Variants in SLFN5 observed in about 807,000 individuals in gnomAD.
SLFN5 encodes schlafen family member 5.
SLFN5 carries 34 observed loss-of-function variants against 48.5 expected under a neutral mutation model. The ratio of observed to expected loss-of-function variants is 0.70; its 90% CI spans 0.53 to 0.93. SLFN5 has a LOEUF of 0.93. Ranked by LOEUF, SLFN5 falls within the 40% of genes least tolerant of loss-of-function variation. SLFN5 has a pLI of 0.00. For synonymous variants in SLFN5, 387 were observed against 396.2 expected (o/e 0.98, Z 0.28); for missense variants, 1,006 against 1,071.3 (o/e 0.94, Z 0.85).
chr17:35,264,055 A>G, intron 3 of SLFN5, 128 bp from the exon 4 acceptor site: 1 of 1,126,794 alleles, frequency 8.9e-7, no homozygotes, highest in South Asian at 2.0e-5. Context: ...TTATCTTTTT[A>G]TTACTAATGT....
chr17:35,264,070 C>A, intron 3 of SLFN5, 113 bp from the exon 4 acceptor site: 1 of 1,250,304 alleles, frequency 8.0e-7, no homozygotes, highest in Non-Finnish European at 1.1e-6. Context: ...TAATGTATAA[C>A]CTATTGTAGA....
rs9908736 is a variant in SLFN5 at position 35,254,532 on chromosome 17, C to G, written c.-40-4119C>G. Among the ~76,000 whole-genome samples, 1,116 of 152,322 alleles carry G rather than the reference C, an allele frequency of 7.3e-3. 16 individuals carry two copies. The highest frequency in any genetic ancestry group is 0.025 in the African/African-American group (1,047 of 41,564). ...AATCTGAAATCTCAGTTCACAGTGC[C>G]AACTCTTACGACACAGGGTTCTGTA... On this transcript the variant is annotated intron_variant, in intron 1 of 4. Transcript: ENST00000299977.
chr17:35,258,990 A>G lies in SLFN5; in HGVS notation c.300A>G (p.Lys100=). The change falls in exon 2 of 5, where the codon AAA becomes AAG. Residue 100 remains lysine (K), a synonymous_variant. Coordinates refer to ENST00000299977, the MANE Select transcript of SLFN5 (RefSeq NM_144975.4). ...AAAACCACTTTTTGATTTTTGTGAAATCATGGAACACAGAGGCTGGTGTGC... is the reference window on the plus strand; with the variant it reads ...AAAACCACTTTTTGATTTTTGTGAAGTCATGGAACACAGAGGCTGGTGTGC... The part of the protein sequence containing the change: ...QKENHFLIFV[K]SWNTEAGVPL... 1.9e-6 allele frequency: 3 copies of G among 1,614,174 alleles called. No individual in the cohort carries two copies. Among genetic ancestry groups the G allele is most frequent in the Non-Finnish European group, 2.5e-6 (3 of 1,180,028 alleles).
intron 1 of SLFN5, among the ~76,000 whole-genome samples, chr17:35,249,126 G>A (rs1338620386): frequency 6.6e-6 from 1 of 152,184 alleles, no homozygotes; most frequent in African/African-American, 2.4e-5. Context: ...GTGGTAAAAA[G>A]CAGCCCTTTC....
chr17:35,267,740 CA>C lies in SLFN5; in HGVS notation c.*1861del, dbSNP rs138000759. ...GTCTCCAAAAATTAAATAAATAAAACAAAAAAAAAGAATTTAAAAGTTTTAT... is the reference window on the plus strand; with the variant it reads ...GTCTCCAAAAATTAAATAAATAAAACAAAAAAAAGAATTTAAAAGTTTTAT... On this transcript the variant is annotated 3_prime_UTR_variant, in exon 5 of 5. Coordinates refer to ENST00000299977, the MANE Select transcript of SLFN5 (RefSeq NM_144975.4). The C allele has an allele frequency of 1.5e-3, 230 of 150,326 alleles. 8 individuals carry two copies. The East Asian group carries it at 0.04, about 26-fold the overall frequency. The allele number at this position is 150,326 out of a possible 1,614,324, so 9.3% of individuals were successfully genotyped here.
intron 1 of SLFN5, among the ~76,000 whole-genome samples, chr17:35,254,149 TTTTA>T (rs2092449568): frequency 6.6e-6 from 1 of 152,254 alleles, no homozygotes; most frequent in African/African-American, 2.4e-5. Flanking sequence ...TATGGTTATC[TTTTA>T]TTTACTATAC....
At position 35,259,063 on chromosome 17, in the gene SLFN5, A is replaced by C. The variant is rs778311308; in HGVS notation, c.373A>C (p.Thr125Pro). The C allele has an allele frequency of 1.9e-5, 30 of 1,614,086 alleles. No homozygotes were observed. In the Admixed American group the frequency reaches 5.0e-4, roughly 27 times the overall value. ...TTTGTACCACAGAGAGAGAACATCC[A>C]CCGATGTCATGGATTCTCAGGAAGC... ...SNLYHRERTS[T>P]DVMDSQEALA... is the part of the protein sequence containing the mutation. The change falls in exon 2 of 5, where the codon ACC becomes CCC. Residue 125 changes from threonine to proline, a missense_variant. Physicochemically the swap from Thr to Pro is conservative, Grantham distance 38. Transcript: ENST00000299977.
At position 35,267,895 on chromosome 17, in the gene SLFN5, G is replaced by T. The variant is rs1170879849; in HGVS notation, c.*2007G>T. On this transcript the variant is annotated 3_prime_UTR_variant, in exon 5 of 5. Coordinates refer to ENST00000299977, the MANE Select transcript of SLFN5 (RefSeq NM_144975.4). ...TGGTGGCGGAGGTATTGAGCAGGCA[G>T]CTCAGGGAAATGCCAGGGAGACCCT... The T allele has an allele frequency of 6.6e-6, 1 of 152,228 alleles. No homozygotes were observed. The highest frequency in any genetic ancestry group is 1.5e-5 in the Non-Finnish European group (1 of 68,052). 9.4% of individuals were successfully genotyped at this position (152,228 alleles called of 1,614,324 possible). A position where few individuals can be genotyped will look rare whatever the true frequency, so the allele number is the denominator to read the frequency against.
chr17:35,256,121 G>A (rs1904336243), intron 1 of SLFN5, among the ~76,000 whole-genome samples: 1 of 152,188 alleles, frequency 6.6e-6, no homozygotes, highest in Non-Finnish European at 1.5e-5. Flanking sequence ...TATATTGGGA[G>A]GCCAAGGCGG....
Position 35,265,150 on chromosome 17 carries a change from T to C in SLFN5, c.1938T>C (p.Ile646=). The C allele has an allele frequency of 6.2e-7, 1 of 1,614,184 alleles. No individual in the cohort carries two copies. Among genetic ancestry groups the C allele is most frequent in the Non-Finnish European group, 8.5e-7 (1 of 1,180,032 alleles). ...ACAACTTTGAACACATCCAGCACAT[T>C]ATCATTGATGACGCTCAGAATTTCC... ...MKNNFEHIQH[I]IIDDAQNFRT... is the part of the protein sequence containing the mutation. Residue 646 remains isoleucine, a synonymous_variant, in exon 5 of 5, where the codon ATT becomes ATC. Coordinates refer to ENST00000299977, the MANE Select transcript of SLFN5 (RefSeq NM_144975.4).
Position 35,265,270 on chromosome 17 carries a change from T to C in SLFN5, c.2058T>C (p.Phe686=), listed in dbSNP as rs773284322. The C allele has an allele frequency of 6.2e-7, 1 of 1,614,198 alleles. No homozygotes were observed. Among genetic ancestry groups the C allele is most frequent in the South Asian group, 1.1e-5 (1 of 91,074 alleles). The change falls in exon 5 of 5, where the codon TTT becomes TTC. Residue 686 remains phenylalanine (F), a synonymous_variant. Coordinates refer to ENST00000299977, the MANE Select transcript of SLFN5 (RefSeq NM_144975.4). ...PGVLWIFLDY[F]QTYHLSCSGL... is the part of the protein sequence containing the mutation. ...TTCTCTGGATCTTTCTGGACTACTT[T>C]CAGACCTATCACTTGAGTTGCAGTG...
chr17:35,259,453 A>G lies in SLFN5; in HGVS notation c.763A>G (p.Ile255Val). Residue 255 changes from isoleucine to valine, a missense_variant, in exon 2 of 5, where the codon ATT (isoleucine) becomes GTT (valine). Transcript: ENST00000299977. ...AGACCTTACGAGCTTGAGGGCTTCT[A>G]TTGATGGCTGTATTAAGAAGCTACC... ...KIDLTSLRAS[I>V]DGCIKKLPVH... The G allele has an allele frequency of 1.2e-6, 2 of 1,614,244 alleles. No individual in the cohort carries two copies. The highest frequency in any genetic ancestry group is 1.7e-6 in the Non-Finnish European group (2 of 1,180,046).
chr17:35,259,621 A>G lies in SLFN5; in HGVS notation c.931A>G (p.Ser311Gly). 2 of 1,607,298 alleles carry G rather than the reference A, an allele frequency of 1.2e-6. No individual in the cohort carries two copies. The highest frequency in any genetic ancestry group is 2.7e-5 in the African/African-American group (2 of 75,044). The stretch of plus-strand genomic sequence containing the variant: ...CTGTGCGGTGTTTGCCAAAGTGCCT[A>G]GTTCCTGGCAGGTGAAGGACAACCG... ...FCCAVFAKVP[S>G]SWQVKDNRVR... is the part of the protein sequence containing the mutation. Residue 311 changes from serine to glycine, a missense_variant, in exon 2 of 5, where the codon AGT becomes GGT. Coordinates refer to ENST00000299977, the MANE Select transcript of SLFN5 (RefSeq NM_144975.4).
chr17:35,260,644 C>T (rs543322521), intron 2 of SLFN5, among the ~76,000 whole-genome samples: 73 of 152,070 alleles, frequency 4.8e-4, no homozygotes, highest in African/African-American at 1.6e-3. Flanking sequence ...ACCTGAGAGA[C>T]GGAGGTTGCA....
chr17:35,246,864 A>G (rs1567787483), intron 1 of SLFN5, among the ~76,000 whole-genome samples: 1 of 152,032 alleles, frequency 6.6e-6, no homozygotes, highest in Non-Finnish European at 1.5e-5. Context: ...AGAAAAAAAA[A>G]AAAAAATTAT....
At chr17:35,262,356 G>A (rs1451102247) in intron 3 of SLFN5, among the ~76,000 whole-genome samples, 1 of 149,784 alleles carries the variant, frequency 6.7e-6, no homozygotes, top group Non-Finnish European at 1.5e-5. Context: ...CTCCAGCCTG[G>A]GCGACAGAGG....
chr17:35,252,700 C>A (rs2092445209), intron 1 of SLFN5, among the ~76,000 whole-genome samples: 1 of 151,778 alleles, frequency 6.6e-6, no homozygotes, highest in Non-Finnish European at 1.5e-5. Context: ...TAGTGTTCAT[C>A]AAATTTTCTT....
At chr17:35,252,086 A>G (rs1227602876) in intron 1 of SLFN5, among the ~76,000 whole-genome samples, 1 of 152,190 alleles carries the variant, frequency 6.6e-6, no homozygotes, top group Non-Finnish European at 1.5e-5. Context: ...TCATTATAAT[A>G]TAGACAAATT....
chr17:35,260,336 A>T (rs915997053), intron 2 of SLFN5, among the ~76,000 whole-genome samples: 1 of 151,308 alleles, frequency 6.6e-6, no homozygotes, highest in African/African-American at 2.5e-5. Flanking sequence ...AAAGGTCCAG[A>T]AAAAACAAAG....
Sources: allele counts gnomAD v4.1 joint callset (sites outside exome capture counted in the v4.1 genomes callset), GRCh38; gene constraint gnomAD v4.1.1; transcripts MANE v1.5; gene names NCBI Gene and HGNC (gene_info 2026-07-23, HGNC 2026-07-21).